Variants in SATL1 observed in about 807,000 individuals in gnomAD.
SATL1 encodes spermidine/spermine N1-acetyl transferase like 1.
A neutral mutation model predicts 51.8 loss-of-function variants in SATL1; 47 were observed. The ratio of observed to expected loss-of-function variants is 0.91; its 90% CI spans 0.72 to 1.16. The LOEUF (loss-of-function observed/expected upper bound fraction) is 1.16. Among genes scored for constraint, SATL1 ranks in the 50% most tolerant of loss-of-function variants. The pLI is 0.00. For synonymous variants in SATL1, 176 were observed against 182.4 expected (o/e 0.97, Z 0.28); for missense variants, 520 against 526.4 (o/e 0.99, Z 0.12).
At chrX:85,208,347 G>A (rs145140013) in intron 2 of SATL1, among the ~76,000 whole-genome samples, 2,661 of 111,498 alleles carry the variant, frequency 0.024, 95 homozygotes, top group African/African-American at 0.082. Flanking sequence ...ATTGTGAATA[G>A]TGCCGCAATA....
chrX:85,102,962 C>A (rs751328545), intron 4 of SATL1, among the ~76,000 whole-genome samples: 81 of 111,422 alleles, frequency 7.3e-4, no homozygotes, highest in Non-Finnish European at 1.3e-3. Context: ...TAGGGATGCT[C>A]ATTTTGTTAT....
chrX:85,237,051 C>A (rs1928496096), intron 1 of SATL1, among the ~76,000 whole-genome samples: 1 of 110,775 alleles, frequency 9.0e-6, no homozygotes, highest in Non-Finnish European at 1.9e-5. Context: ...TTTAAAATAT[C>A]CACACATAAA....
chrX:85,152,933 A>T (rs757920148), intron 2 of SATL1, among the ~76,000 whole-genome samples: 50 of 110,282 alleles, frequency 4.5e-4, no homozygotes, highest in Non-Finnish European at 7.2e-4. Flanking sequence ...TAACCTGCAC[A>T]TTGTGCATAT....
intron 4 of SATL1, among the ~76,000 whole-genome samples, chrX:85,095,646 G>A (rs1268525149): frequency 9.4e-6 from 1 of 105,889 alleles, no homozygotes; most frequent in African/African-American, 3.4e-5. Flanking sequence ...CTAAAACGGT[G>A]AAACCCCGTC....
At chrX:85,222,277 A>T (rs1351211674) in intron 2 of SATL1, among the ~76,000 whole-genome samples, 2 of 111,576 alleles carry the variant, frequency 1.8e-5, no homozygotes, top group Non-Finnish European at 3.8e-5. Flanking sequence ...TGTTATGAGG[A>T]TTAAATAAGA....
intron 2 of SATL1, among the ~76,000 whole-genome samples, chrX:85,167,576 G>A (rs940882374): frequency 1.8e-5 from 2 of 110,576 alleles, no homozygotes; most frequent in African/African-American, 6.6e-5. Context: ...ATCCTCCCAA[G>A]ACTGAACCAG....
intron 2 of SATL1, among the ~76,000 whole-genome samples, chrX:85,144,755 A>C (rs761370159): frequency 1.3e-4 from 14 of 111,940 alleles, no homozygotes; most frequent in Non-Finnish European, 5.6e-5. Context: ...GTCTGGGTGC[A>C]GTGGCATATG....
At chrX:85,161,117 G>A (rs2055182336) in intron 2 of SATL1, among the ~76,000 whole-genome samples, 1 of 111,766 alleles carries the variant, frequency 8.9e-6, no homozygotes, top group South Asian at 3.8e-4. Context: ...CAAATACTGA[G>A]GAAATTTGTC....
intron 2 of SATL1, among the ~76,000 whole-genome samples, chrX:85,213,412 A>T (rs981804052): frequency 1.8e-5 from 2 of 112,045 alleles, no homozygotes; most frequent in East Asian, 5.6e-4. Flanking sequence ...AAAAATATCA[A>T]TCAGAGAAAA....
At chrX:85,133,915 A>G (rs1296723206) in intron 2 of SATL1, among the ~76,000 whole-genome samples, 2 of 112,297 alleles carry the variant, frequency 1.8e-5, no homozygotes, top group South Asian at 3.7e-4. Context: ...GATATAGAAA[A>G]TGCTATATTC....
At chrX:85,232,949 A>G (rs1436407275) in intron 1 of SATL1, among the ~76,000 whole-genome samples, 1 of 111,889 alleles carries the variant, frequency 8.9e-6, no homozygotes, top group East Asian at 2.8e-4. Flanking sequence ...GAGTAAATAT[A>G]GGCAGTAATC....
At chrX:85,189,446 T>C (rs1176315820) in intron 2 of SATL1, among the ~76,000 whole-genome samples, 1 of 112,103 alleles carries the variant, frequency 8.9e-6, no homozygotes, top group Admixed American at 9.5e-5. Flanking sequence ...CATTGTAAAG[T>C]GGTGAATTCT....
chrX:85,127,803 A>C (rs963181785), intron 2 of SATL1, among the ~76,000 whole-genome samples: 4 of 108,766 alleles, frequency 3.7e-5, no homozygotes, highest in African/African-American at 6.7e-5. Flanking sequence ...CAGTTCCCCC[A>C]CCCCACGACA....
chrX:85,224,412 T>C (rs1928236217), intron 1 of SATL1, 86 bp from the exon 2 acceptor site: 1 of 111,559 alleles, frequency 9.0e-6, no homozygotes, highest in Admixed American at 9.6e-5. Flanking sequence ...AATTAGAGCA[T>C]GGACATATCT....
chrX:85,146,493 T>TA (rs1475848667), intron 2 of SATL1, among the ~76,000 whole-genome samples: 3 of 111,549 alleles, frequency 2.7e-5, no homozygotes, highest in African/African-American at 6.5e-5. Flanking sequence ...ATTAAAAATT[T>TA]AAAAAAATAA....
chrX:85,105,665 A>G (rs371386213), intron 3 of SATL1, among the ~76,000 whole-genome samples: 1 of 111,564 alleles, frequency 9.0e-6, no homozygotes, highest in African/African-American at 3.3e-5. Flanking sequence ...GGGACAGTCA[A>G]TAAAACCTGT....
chrX:85,131,865 A>G (rs916763576), intron 2 of SATL1, among the ~76,000 whole-genome samples: 2 of 111,398 alleles, frequency 1.8e-5, no homozygotes, highest in Non-Finnish European at 3.8e-5. Flanking sequence ...ATCTCTCAGC[A>G]TTTGCTTGTC....
intron 1 of SATL1, among the ~76,000 whole-genome samples, chrX:85,225,895 T>TA (rs907034615): frequency 9.0e-6 from 1 of 110,958 alleles, no homozygotes; most frequent in Non-Finnish European, 1.9e-5. Flanking sequence ...ATCTTTTTAT[T>TA]ACATGAATGA....
At chrX:85,222,140 G>C (rs144515387) in intron 2 of SATL1, among the ~76,000 whole-genome samples, 125 of 112,051 alleles carry the variant, frequency 1.1e-3, no homozygotes, top group African/African-American at 4.0e-3. Flanking sequence ...CAACTCTGTA[G>C]TGAGCCTGCT....
Sources: allele counts gnomAD v4.1 joint callset (sites outside exome capture counted in the v4.1 genomes callset), GRCh38; gene constraint gnomAD v4.1.1; transcripts MANE v1.5; gene names NCBI Gene and HGNC (gene_info 2026-07-23, HGNC 2026-07-21).